The following SLAMF1 variants were observed in gnomAD, a reference collection of about 807,000 sequenced individuals.
The protein encoded by SLAMF1 is signaling lymphocytic activation molecule.
A neutral mutation model predicts 35.1 loss-of-function variants in SLAMF1; 18 were observed. The observed-to-expected ratio is 0.51, with a 90% CI of 0.35 to 0.76. The LOEUF (loss-of-function observed/expected upper bound fraction) is 0.76, where lower values mean the gene tolerates loss of function less well. SLAMF1 is among the 30% of genes least tolerant of loss of function. The probability of loss-of-function intolerance (pLI) is 0.01; values close to 1 mark genes in which losing one functional copy is unlikely to be tolerated. For missense variants in SLAMF1, 392 were observed against 413.0 expected, an observed-to-expected ratio of 0.95 and a Z score of 0.44; for synonymous variants, 168 against 157.2, an observed-to-expected ratio of 1.07 and a Z score of -0.51.
At chr1:160,624,229 G>A in intron 3 of SLAMF1, 44 bp from the exon 4 acceptor site, 1 of 1,365,902 alleles carries the variant, frequency 7.3e-7, no homozygotes, top group Non-Finnish European at 1.0e-6. Context: ...AAAGTATTCT[G>A]AGCTTAAAAA....
Position 160,634,821 on chromosome 1 carries a change from G to A in SLAMF1, c.492C>T (p.Cys164=). 1 of 1,614,148 alleles carries A rather than the reference G, an allele frequency of 6.2e-7. No homozygotes were observed. Among genetic ancestry groups the A allele is most frequent in the South Asian group, 1.1e-5 (1 of 91,082 alleles). The change falls in exon 3 of 7, where the codon TGC becomes TGT. Residue 164 remains cysteine, a synonymous_variant. Coordinates refer to ENST00000302035, the MANE Select transcript of SLAMF1 (RefSeq NM_003037.5). ...CCACATGGTCCCCCTTCTCCACTGT[G>A]CAGCCCAGTATCAAGGTGCAGGTCC... ...ENGTCTLILG[C]TVEKGDHVAY...
rs898477807 is a variant in SLAMF1, at chr1:160,642,424, A to G, written c.76+4446T>C. The stretch of plus-strand genomic sequence containing the variant: ...TTTTCCTGTCACAGACTTCCAATGG[A>G]CAATGAACGCACTCCTTCATATCAT... On this transcript the variant is annotated intron_variant, in intron 1 of 6. Transcript: ENST00000302035. This position sits in a 1 kb window ranked among gnomAD's most constrained non-coding sequence, Gnocchi z 4.2. Among the ~76,000 whole-genome samples, 1 of 152,190 alleles carries G rather than the reference A, an allele frequency of 6.6e-6. No individual in the cohort carries two copies. The highest frequency in any genetic ancestry group is 1.5e-5 in the Non-Finnish European group (1 of 68,040).
At position 160,637,275 on chromosome 1, in the gene SLAMF1, T is replaced by C; in HGVS notation, c.331A>G (p.Arg111Gly). The change falls in exon 2 of 7, where the codon AGG becomes GGG. Residue 111 changes from arginine (R) to glycine (G), a missense_variant. Transcript: ENST00000302035. ...ENLTLGIRES[R>G]KEDEGWYLMT... ...AGGTACCATCCCTCATCCTCCTTCC[T>C]GCTTTCCCGTATCCCCAGGGTGAGA... 2.5e-6 allele frequency: 4 copies of C among 1,614,106 alleles called. No individual in the cohort carries two copies. The highest frequency in any genetic ancestry group is 3.4e-6 in the Non-Finnish European group (4 of 1,179,964).
chr1:160,643,663 G>A (rs1265768128), intron 1 of SLAMF1, among the ~76,000 whole-genome samples: 1 of 152,102 alleles, frequency 6.6e-6, no homozygotes, highest in Non-Finnish European at 1.5e-5. Context: ...TATTTTCAGG[G>A]CACATGTGCT....
chr1:160,624,112 T>A lies in SLAMF1; in HGVS notation c.774A>T (p.Leu258=), dbSNP rs763578270. 6.2e-7 allele frequency: 1 copy of A among 1,603,838 alleles called. No individual in the cohort carries two copies. The highest frequency in any genetic ancestry group is 1.7e-5 in the Admixed American group (1 of 58,982). ...VIMILIMVVI[L]QLRRRGKTNH... Reference sequence around the variant, plus strand: ...GACACCTACCTCTTCTTCTCAACTGTAGTATTACCACCATGATGAGAATCA... The same window carrying A: ...GACACCTACCTCTTCTTCTCAACTGAAGTATTACCACCATGATGAGAATCA... Residue 258 remains leucine, a synonymous_variant, in exon 4 of 7, where the codon CTA becomes CTT. Transcript: ENST00000302035.
chr1:160,645,738 C>T (rs1041728296), intron 1 of SLAMF1, among the ~76,000 whole-genome samples: 8 of 152,272 alleles, frequency 5.3e-5, no homozygotes, highest in South Asian at 2.1e-4. Flanking sequence ...TTGGGAAGTA[C>T]GAGCCATGGA....
At chr1:160,646,289 G>A (rs1661035390) in intron 1 of SLAMF1, among the ~76,000 whole-genome samples, 1 of 152,092 alleles carries the variant, frequency 6.6e-6, no homozygotes, top group Non-Finnish European at 1.5e-5. Flanking sequence ...TGCTTTCTTG[G>A]ACCTTCTCTT....
intron 5 of SLAMF1, among the ~76,000 whole-genome samples, chr1:160,613,900 G>A (rs1196072846): frequency 1.3e-5 from 2 of 152,234 alleles, no homozygotes; most frequent in African/African-American, 4.8e-5. Flanking sequence ...GCCTTGGCAG[G>A]CAATGAGCTC....
intron 5 of SLAMF1, chr1:160,615,784 AAAG>A (rs1422587476): frequency 3.7e-5 from 11 of 297,136 alleles, no homozygotes; most frequent in Admixed American, 1.6e-4. Flanking sequence ...AAGAGATGGA[AAAG>A]AAGAAGACAC....
chr1:160,637,532 G>A lies in SLAMF1; in HGVS notation c.77-3C>T. 6.2e-7 allele frequency: 1 copy of A among 1,604,274 alleles called. No individual in the cohort carries two copies. Among genetic ancestry groups the A allele is most frequent in the Non-Finnish European group, 8.5e-7 (1 of 1,177,234 alleles). On this transcript the variant is annotated splice_polypyrimidine_tract_variant and splice_region_variant and intron_variant, in intron 1 of 6. Transcript: ENST00000302035. ...TGGGCAGTTCATCATGCGCCCACCT[G>A]TGGGAGGGAGGAGAAGAGAGTCCCT...
intron 4 of SLAMF1, among the ~76,000 whole-genome samples, chr1:160,621,447 T>C (rs1659605159): frequency 6.7e-6 from 1 of 150,306 alleles, no homozygotes; most frequent in Non-Finnish European, 1.5e-5. Flanking sequence ...TAATTTCAGC[T>C]ACTCAGGAGG....
At chr1:160,641,453 G>C (rs1475745241) in intron 1 of SLAMF1, among the ~76,000 whole-genome samples, 1 of 150,426 alleles carries the variant, frequency 6.6e-6, no homozygotes, top group Non-Finnish European at 1.5e-5. Context: ...GAGAGGTAGG[G>C]AATAACCAAA....
At chr1:160,646,068 A>C (rs563945062) in intron 1 of SLAMF1, among the ~76,000 whole-genome samples, 27 of 152,072 alleles carry the variant, frequency 1.8e-4, no homozygotes, top group Non-Finnish European at 3.7e-4. Context: ...TTCTTTCTCA[A>C]ATACCTTTTC....
chr1:160,631,703 G>A (rs559781963), intron 3 of SLAMF1, among the ~76,000 whole-genome samples: 3 of 151,638 alleles, frequency 2.0e-5, no homozygotes, highest in Admixed American at 6.6e-5. Flanking sequence ...GTGAGTACAC[G>A]AAGGAAAGAC....
intron 3 of SLAMF1, among the ~76,000 whole-genome samples, chr1:160,631,149 G>A (rs1660144099): frequency 6.6e-6 from 1 of 152,222 alleles, no homozygotes; most frequent in Non-Finnish European, 1.5e-5. Context: ...ACTAAGTGCA[G>A]TGTTTTAAGA....
intron 2 of SLAMF1, 98 bp downstream of exon 2, chr1:160,637,093 C>T: frequency 5.3e-6 from 4 of 756,230 alleles, no homozygotes; most frequent in Non-Finnish European, 9.1e-6. Context: ...TAGTTACTTC[C>T]AATTCTGAAT....
At chr1:160,628,146 G>T (rs1659979692) in intron 3 of SLAMF1, among the ~76,000 whole-genome samples, 1 of 152,122 alleles carries the variant, frequency 6.6e-6, no homozygotes. Context: ...GTCTTTATTG[G>T]CAGGATGAGA....
chr1:160,616,320 A>G (rs538177906), intron 5 of SLAMF1, among the ~76,000 whole-genome samples: 70 of 152,122 alleles, frequency 4.6e-4, no homozygotes, highest in African/African-American at 1.5e-3. Context: ...TTTCTACCTC[A>G]ACTTGTATCC....
intron 3 of SLAMF1, among the ~76,000 whole-genome samples, chr1:160,626,891 T>C (rs976844886): frequency 1.3e-5 from 2 of 152,184 alleles, no homozygotes; most frequent in African/African-American, 2.4e-5. Context: ...CTGTCCACCA[T>C]GCCTGCCTAG....
Sources: allele counts gnomAD v4.1 joint callset (sites outside exome capture counted in the v4.1 genomes callset), GRCh38; gene constraint gnomAD v4.1.1; non-coding constraint Gnocchi (gnomAD v3.1); transcripts MANE v1.5; gene names NCBI Gene and HGNC (gene_info 2026-07-23, HGNC 2026-07-21).